The following SPATA18 variants were observed in gnomAD, a reference collection of about 807,000 sequenced individuals.
The protein encoded by SPATA18 is mitochondria-eating protein.
SPATA18 carries 54 observed loss-of-function variants against 68.1 expected under a neutral mutation model. That is an observed-to-expected ratio of 0.79 (90% CI 0.64 to 0.99). SPATA18 has a LOEUF of 0.99. Among genes scored for constraint, SPATA18 ranks in the 50% least tolerant of loss-of-function variants. The pLI is 0.00. For missense variants in SPATA18, 724 were observed against 681.1 expected, an observed-to-expected ratio of 1.06 and a Z score of -0.70; for synonymous variants, 242 against 244.8, an observed-to-expected ratio of 0.99 and a Z score of 0.11.
At chr4:52,068,930 C>G (rs1739561817) in intron 4 of SPATA18, among the ~76,000 whole-genome samples, 2 of 152,118 alleles carry the variant, frequency 1.3e-5, no homozygotes, top group African/African-American at 4.8e-5. Flanking sequence ...GTGGCACAGT[C>G]ATAACTCACT....
At chr4:52,070,841 T>G (rs1322234182) in intron 5 of SPATA18, among the ~76,000 whole-genome samples, 1 of 151,804 alleles carries the variant, frequency 6.6e-6, no homozygotes, top group Non-Finnish European at 1.5e-5. Flanking sequence ...TATACCTTCC[T>G]GGATCTTAAT....
rs139687172 is a variant in SPATA18 at position 52,076,820 on chromosome 4, G to C, written c.800G>C (p.Arg267Pro). 170 of 1,614,058 alleles carry C rather than the reference G, an allele frequency of 1.1e-4. No homozygotes were observed. In the East Asian group the frequency reaches 3.6e-3, roughly 34 times the overall value. Residue 267 changes from arginine to proline, a missense_variant, in exon 7 of 13, where the codon CGT (arginine) becomes CCT (proline). Arg to Pro is a moderately radical substitution (Grantham distance 103). Coordinates refer to ENST00000295213, the MANE Select transcript of SPATA18 (RefSeq NM_145263.4). ...SRSPSPAPRS[R>P]SCSRSRSASP... ...TCTCCCAGCCCTGCCCCTCGCAGCCGTAGCTGCAGCCGCAGCAGATCTGCC... is the reference window on the plus strand; with the variant it reads ...TCTCCCAGCCCTGCCCCTCGCAGCCCTAGCTGCAGCCGCAGCAGATCTGCC...
intron 3 of SPATA18, among the ~76,000 whole-genome samples, chr4:52,061,788 T>C (rs1738881107): frequency 6.6e-6 from 1 of 152,186 alleles, no homozygotes; most frequent in South Asian, 2.1e-4. Context: ...CTTTATAGAC[T>C]TCAGTTATCA....
At chr4:52,053,716 A>G (rs897590285) in intron 1 of SPATA18, among the ~76,000 whole-genome samples, 2 of 152,146 alleles carry the variant, frequency 1.3e-5, no homozygotes, top group African/African-American at 2.4e-5. Flanking sequence ...TTTCACCATC[A>G]TAATCTGTTG....
At chr4:52,080,971 A>G (rs996455146) in intron 9 of SPATA18, among the ~76,000 whole-genome samples, 2 of 152,190 alleles carry the variant, frequency 1.3e-5, no homozygotes, top group Non-Finnish European at 2.9e-5. Flanking sequence ...GAACTTTCCA[A>G]TTGCCTTATA....
intron 10 of SPATA18, chr4:52,083,477 T>C (rs1741129652): frequency 1.0e-6 from 1 of 985,304 alleles, no homozygotes; most frequent in Non-Finnish European, 1.2e-6. Flanking sequence ...TAGCTGGGCA[T>C]GGTGGCCCAC....
Position 52,079,761 on chromosome 4 carries a change from G to T in SPATA18, c.1197G>T (p.Met399Ile). Residue 399 changes from methionine (M) to isoleucine (I), a missense_variant, in exon 9 of 13, where the codon ATG becomes ATT. Coordinates refer to ENST00000295213, the MANE Select transcript of SPATA18 (RefSeq NM_145263.4). ...QSSVNDVIRA[M>I]NVNPKISFPP... ...TTTTTCAGGATGTGATCCGAGCCAT[G>T]AATGTCAATCCCAAGATTTCATTCC... The T allele has an allele frequency of 6.2e-7, 1 of 1,613,908 alleles. No individual in the cohort carries two copies. The highest frequency in any genetic ancestry group is 8.5e-7 in the Non-Finnish European group (1 of 1,179,872).
In SPATA18 at chr4:52,085,525, A is replaced by G. The variant is rs568151573; in HGVS notation, c.1563+526A>G. ...TAATACTTCTGTTAAAGAAAAAAATAACAGCAAAAACATCATGAAAACTAT... is the reference window on the plus strand; with the variant it reads ...TAATACTTCTGTTAAAGAAAAAAATGACAGCAAAAACATCATGAAAACTAT... On this transcript the variant is annotated intron_variant, in intron 11 of 12. Transcript: ENST00000295213. 1.4e-4 allele frequency among the ~76,000 whole-genome samples: 21 copies of G among 152,340 alleles called. No individual in the cohort carries two copies. In the South Asian group the frequency reaches 4.1e-3, roughly 30 times the overall value.
intron 4 of SPATA18, among the ~76,000 whole-genome samples, chr4:52,069,007 G>T (rs1739568428): frequency 1.3e-5 from 2 of 152,006 alleles, no homozygotes; most frequent in Admixed American, 6.6e-5. Flanking sequence ...GAGACTACAG[G>T]CACACACCAC....
intron 1 of SPATA18, among the ~76,000 whole-genome samples, chr4:52,055,084 G>A (rs1738222902): frequency 6.6e-6 from 1 of 152,078 alleles, no homozygotes; most frequent in Non-Finnish European, 1.5e-5. Context: ...CAGCAATCAT[G>A]GTAGCCAAAG....
rs983432777 is a variant in SPATA18 at position 52,051,340 on chromosome 4, G to T, written c.-365G>T. The T allele has an allele frequency of 4.9e-6, 1 of 202,218 alleles. No homozygotes were observed. 12.5% of individuals were successfully genotyped at this position (202,218 alleles called of 1,614,324 possible). ...GGGGCGCGCGGCTGTCACCCAGGGC[G>T]GGGCGGCGCGGGCGTTGCCACGACG... On this transcript the variant is annotated 5_prime_UTR_variant, in exon 1 of 13. Coordinates refer to ENST00000295213, the MANE Select transcript of SPATA18 (RefSeq NM_145263.4).
chr4:52,074,262 A>G (rs963770379), intron 6 of SPATA18, among the ~76,000 whole-genome samples: 3 of 152,242 alleles, frequency 2.0e-5, no homozygotes, highest in African/African-American at 7.2e-5. Context: ...CAAAGCTTTA[A>G]AGGAGTTTAA....
chr4:52,056,387 G>A (rs563093828), intron 1 of SPATA18, among the ~76,000 whole-genome samples: 1 of 152,306 alleles, frequency 6.6e-6, no homozygotes, highest in African/African-American at 2.4e-5. Flanking sequence ...TTTTTCCTCA[G>A]TGGTGAATTT....
chr4:52,081,255 G>C (rs1740894475), intron 9 of SPATA18, among the ~76,000 whole-genome samples: 1 of 152,214 alleles, frequency 6.6e-6, no homozygotes, highest in Admixed American at 6.5e-5. Flanking sequence ...GGAATGTGCA[G>C]CTTCTAGGGC....
At chr4:52,079,633 C>T (rs7689145) in intron 8 of SPATA18, 111 bp from the exon 9 acceptor site, 1,221,365 of 1,256,596 alleles carry the variant, frequency 0.97, 600,177 homozygotes, top group East Asian at 1. Context: ...CTTTAACTTG[C>T]TTTGGCTCAC....
chr4:52,094,474 TC>T, intron 11 of SPATA18, 52 bp from the exon 12 acceptor site: 12 of 1,563,572 alleles, frequency 7.7e-6, no homozygotes, highest in Non-Finnish European at 1.1e-5. Context: ...AAAGAATTCA[TC>T]CTTTGAGCTC....
intron 11 of SPATA18, among the ~76,000 whole-genome samples, chr4:52,089,678 T>G (rs188375025): frequency 1.2e-4 from 18 of 152,350 alleles, no homozygotes; most frequent in African/African-American, 4.3e-4. Context: ...ACTTTTGCAT[T>G]TGCTGAAGAG....
chr4:52,087,717 T>G (rs1741559320), intron 11 of SPATA18, among the ~76,000 whole-genome samples: 1 of 152,172 alleles, frequency 6.6e-6, no homozygotes, highest in Admixed American at 6.5e-5. Flanking sequence ...GCCTCTAGCT[T>G]TGTTCTTCTT....
At chr4:52,083,793 T>C (rs975440653) in intron 10 of SPATA18, among the ~76,000 whole-genome samples, 1 of 147,304 alleles carries the variant, frequency 6.8e-6, no homozygotes, top group Non-Finnish European at 1.5e-5. Flanking sequence ...CCAGCTGGAG[T>C]GCAGTGGTAC....
Sources: allele counts gnomAD v4.1 joint callset (sites outside exome capture counted in the v4.1 genomes callset), GRCh38; gene constraint gnomAD v4.1.1; transcripts MANE v1.5; gene names NCBI Gene and HGNC (gene_info 2026-07-23, HGNC 2026-07-21).